Variants in ANO10 observed in about 807,000 individuals in gnomAD.
ANO10 encodes anoctamin 10.
ANO10 carries 77 observed loss-of-function variants against 74.7 expected under a neutral mutation model. The observed-to-expected ratio is 1.03, with a 90% CI of 0.86 to 1.25. The LOEUF is 1.25. Ranked by LOEUF, ANO10 falls within the 50% of genes most tolerant of loss-of-function variation. The pLI is 0.00. For missense variants in ANO10, 721 were observed against 778.1 expected (o/e 0.93, Z 0.87); for synonymous variants, 279 against 284.9 (o/e 0.98, Z 0.21).
chr3:43,598,997 T>G (rs1198267603), intron 3 of ANO10, among the ~76,000 whole-genome samples: 2 of 152,216 alleles, frequency 1.3e-5, no homozygotes, highest in Admixed American at 1.3e-4. Flanking sequence ...TTAAACTTAT[T>G]AACGTATTAT....
At chr3:43,643,198 A>AT (rs1250376020) in intron 1 of ANO10, among the ~76,000 whole-genome samples, 2 of 151,364 alleles carry the variant, frequency 1.3e-5, no homozygotes, top group Admixed American at 6.6e-5. Flanking sequence ...CGCCCGGCTA[A>AT]TTTTTTGTAT....
At chr3:43,674,597 TCA>T (rs2084098883) in intron 1 of ANO10, among the ~76,000 whole-genome samples, 1 of 152,194 alleles carries the variant, frequency 6.6e-6, no homozygotes, top group African/African-American at 2.4e-5. Context: ...AAAACAAATG[TCA>T]CAGTTTGGGT....
chr3:43,596,503 G>A (rs1165228707), intron 4 of ANO10, among the ~76,000 whole-genome samples: 1 of 152,012 alleles, frequency 6.6e-6, no homozygotes, highest in African/African-American at 2.4e-5. Context: ...ACAAAAACAA[G>A]AAATAGGGAA....
intron 12 of ANO10, among the ~76,000 whole-genome samples, chr3:43,410,394 T>C (rs925825371): frequency 6.6e-6 from 1 of 152,108 alleles, no homozygotes. Context: ...GCTGGGACTA[T>C]AGGTACGCCC....
chr3:43,403,432 G>A (rs1277554410), intron 12 of ANO10, among the ~76,000 whole-genome samples: 1 of 152,254 alleles, frequency 6.6e-6, no homozygotes, highest in Non-Finnish European at 1.5e-5. Flanking sequence ...CTGGGCACAT[G>A]AGGAGCTGGG....
intron 1 of ANO10, among the ~76,000 whole-genome samples, chr3:43,647,153 A>ATATGTGTG (rs371712281): frequency 3.5e-5 from 5 of 141,890 alleles, no homozygotes; most frequent in Admixed American, 2.1e-4. Context: ...ATGTGTATAT[A>ATATGTGTG]TGTGTGTGTG....
chr3:43,419,790 AC>A (rs2092793737), intron 12 of ANO10, among the ~76,000 whole-genome samples: 1 of 152,216 alleles, frequency 6.6e-6, no homozygotes, highest in Non-Finnish European at 1.5e-5. Context: ...TGCTGGGATG[AC>A]AGGCGTGAGC....
chr3:43,614,771 CTATA>C (rs61084802), intron 1 of ANO10, among the ~76,000 whole-genome samples: 7,771 of 52,656 alleles, frequency 0.15, 717 homozygotes, highest in African/African-American at 0.22. Flanking sequence ...GAAAACTAAA[CTATA>C]TATATATATA....
chr3:43,645,403 C>T (rs9850860), intron 1 of ANO10, among the ~76,000 whole-genome samples: 5,777 of 151,506 alleles, frequency 0.038, 128 homozygotes, highest in South Asian at 0.057. Flanking sequence ...GCAGGAGACT[C>T]GCTTGAACTC....
intron 8 of ANO10, among the ~76,000 whole-genome samples, chr3:43,565,405 G>A (rs1273983931): frequency 6.6e-6 from 1 of 152,144 alleles, no homozygotes; most frequent in African/African-American, 2.4e-5. Context: ...AAGCTTTGAG[G>A]TGAACTATAT....
chr3:43,427,882 G>A (rs961533881), intron 12 of ANO10, among the ~76,000 whole-genome samples: 3 of 152,116 alleles, frequency 2.0e-5, no homozygotes, highest in African/African-American at 7.2e-5. Flanking sequence ...GGACCTCCTG[G>A]GCAGTGAGAC....
chr3:43,627,044 AG>A (rs1045517424), intron 1 of ANO10, among the ~76,000 whole-genome samples: 8 of 152,026 alleles, frequency 5.3e-5, no homozygotes, highest in African/African-American at 1.9e-4. Context: ...TGTTCATCCA[AG>A]GTGATAATTT....
intron 1 of ANO10, among the ~76,000 whole-genome samples, chr3:43,645,526 A>G (rs2083717875): frequency 6.6e-6 from 1 of 151,898 alleles, no homozygotes; most frequent in Non-Finnish European, 1.5e-5. Flanking sequence ...AACTCCTCCT[A>G]GGGATATTAA....
At chr3:43,495,824 C>G (rs561928630) in intron 11 of ANO10, among the ~76,000 whole-genome samples, 5 of 152,032 alleles carry the variant, frequency 3.3e-5, no homozygotes, top group African/African-American at 4.8e-5. Context: ...CTCAGCCTCC[C>G]GAGTAGCTGG....
At chr3:43,403,668 A>G (rs891363049) in intron 12 of ANO10, among the ~76,000 whole-genome samples, 4 of 152,234 alleles carry the variant, frequency 2.6e-5, no homozygotes, top group Admixed American at 6.5e-5. Context: ...TTCCAAATTC[A>G]AGACAAATGG....
chr3:43,430,307 C>T (rs2092961553), intron 12 of ANO10, among the ~76,000 whole-genome samples: 1 of 148,530 alleles, frequency 6.7e-6, no homozygotes, highest in Admixed American at 6.7e-5. Context: ...ATGTATTTTA[C>T]TTTATCTTTT....
chr3:43,606,049 C>A (rs969090218), intron 1 of ANO10, among the ~76,000 whole-genome samples, 186 bp from the exon 2 acceptor site: 1 of 152,154 alleles, frequency 6.6e-6, no homozygotes, highest in African/African-American at 2.4e-5. Context: ...GTGAGCCAAG[C>A]TTTGGAAAGA....
At chr3:43,422,463 AT>A (rs567760669) in intron 12 of ANO10, among the ~76,000 whole-genome samples, 1 of 152,150 alleles carries the variant, frequency 6.6e-6, no homozygotes, top group Non-Finnish European at 1.5e-5. Flanking sequence ...TATCTCTAGA[AT>A]TTATTATGAG....
chr3:43,644,557 C>T (rs1214800445), intron 1 of ANO10, among the ~76,000 whole-genome samples: 1 of 152,242 alleles, frequency 6.6e-6, no homozygotes, highest in African/African-American at 2.4e-5. Flanking sequence ...CTGGCCTGCT[C>T]TCCTCCACAA....
Sources: gnomAD v4.1 joint callset for allele counts (sites outside exome capture counted in the v4.1 genomes callset) on GRCh38, gnomAD v4.1.1 for gene constraint, MANE v1.5 for transcripts, NCBI Gene and HGNC (gene_info 2026-07-23, HGNC 2026-07-21) for gene names.